Variants in VWA5A observed in about 807,000 individuals in gnomAD.
VWA5A encodes the protein von Willebrand factor A domain containing 5A.
Under a neutral mutation model 84.6 loss-of-function variants are expected in VWA5A, and 77 were observed. The observed-to-expected ratio is 0.91, with a 90% CI of 0.76 to 1.10. The LOEUF (loss-of-function observed/expected upper bound fraction) is 1.10. VWA5A is among the 50% of genes least tolerant of loss of function. VWA5A has a pLI of 0.00. For missense variants in VWA5A, 973 were observed against 963.0 expected, an observed-to-expected ratio of 1.01 and a Z score of -0.14; for synonymous variants, 334 against 350.1, an observed-to-expected ratio of 0.95 and a Z score of 0.51.
chr11:124,122,491 T>A (rs1461154396), intron 7 of VWA5A, among the ~76,000 whole-genome samples: 2 of 152,224 alleles, frequency 1.3e-5, no homozygotes, highest in Non-Finnish European at 2.9e-5. Context: ...ACTTGTAAAT[T>A]GTCAACCTAA....
chr11:124,135,088 G>T, intron 12 of VWA5A, 54 bp downstream of exon 12: 1 of 1,497,366 alleles, frequency 6.7e-7, no homozygotes, highest in Non-Finnish European at 9.2e-7. Flanking sequence ...GACCAAAGTG[G>T]AACGGGGTGG....
chr11:124,119,414 C>T (rs2137628067), intron 7 of VWA5A, among the ~76,000 whole-genome samples: 1 of 152,328 alleles, frequency 6.6e-6, no homozygotes, highest in South Asian at 2.1e-4. Context: ...GACATTTTCA[C>T]CTTTCAAATT....
At chr11:124,138,591 T>C (rs944308132) in intron 15 of VWA5A, among the ~76,000 whole-genome samples, 2 of 152,224 alleles carry the variant, frequency 1.3e-5, no homozygotes, top group Admixed American at 6.5e-5. Flanking sequence ...TGTCTTCTTT[T>C]GAGAAGTGTC....
chr11:124,123,002 C>G lies in VWA5A; in HGVS notation c.803C>G (p.Pro268Arg). ...GDPSAMVSFY[P>R]NIPEDQPSNT... Reference sequence around the variant, plus strand: ...CCATCTGCAATGGTGAGTTTCTATCCAAATATCCCAGAAGATCAACCATCA... The same window carrying G: ...CCATCTGCAATGGTGAGTTTCTATCGAAATATCCCAGAAGATCAACCATCA... Residue 268 changes from proline to arginine, a missense_variant, in exon 8 of 19, where the codon CCA (proline) becomes CGA (arginine). Physicochemically the swap from Pro to Arg is moderately radical, Grantham distance 103. Transcript: ENST00000456829. 1.9e-6 allele frequency: 3 copies of G among 1,614,018 alleles called. No homozygotes were observed. Among genetic ancestry groups the G allele is most frequent in the Non-Finnish European group, 2.5e-6 (3 of 1,180,016 alleles).
chr11:124,123,645 GTT>G lies in VWA5A; in HGVS notation c.1020-13_1020-12del. The stretch of plus-strand genomic sequence containing the variant: ...AAGTAACCCTCATGTAACTGGGTGT[GTT>G]TGTTTTTCTCAGGGAGAGTGTGAAG... On this transcript the variant is annotated splice_polypyrimidine_tract_variant and intron_variant, in intron 9 of 18. Coordinates refer to ENST00000456829, the MANE Select transcript of VWA5A (RefSeq NM_001130142.2). 1 of 1,614,122 alleles carries G rather than the reference GTT, an allele frequency of 6.2e-7. No homozygotes were observed. The highest frequency in any genetic ancestry group is 8.5e-7 in the Non-Finnish European group (1 of 1,180,018).
chr11:124,135,825 C>T (rs61907094), intron 12 of VWA5A, among the ~76,000 whole-genome samples: 3,392 of 152,020 alleles, frequency 0.022, 55 homozygotes, highest in Middle Eastern at 0.038. Context: ...CCACCGCGCC[C>T]GGCCTCTGGT....
rs1053836887 is a variant in VWA5A, at chr11:124,141,624, C to T, written c.1906C>T (p.Arg636Cys). 7.4e-6 allele frequency: 12 copies of T among 1,614,064 alleles called. No individual in the cohort carries two copies. Among genetic ancestry groups the T allele is most frequent in the African/African-American group, 5.3e-5 (4 of 74,988 alleles). ...TTTTCGAAAGGCCTTACACTCTGAC[C>T]GTCCTCCTTCTGCATCTCAGCCCAG... Reference protein sequence around the residue: ...SGFRKALHSDRPPSASQPRGE... With the variant: ...SGFRKALHSDCPPSASQPRGE... Residue 636 changes from arginine to cysteine, a missense_variant, in exon 16 of 19, where the codon CGT becomes TGT. Arg to Cys is a radical substitution (Grantham distance 180). Coordinates refer to ENST00000456829, the MANE Select transcript of VWA5A (RefSeq NM_001130142.2).
At chr11:124,142,346 T>C in intron 16 of VWA5A, 96 bp from the exon 17 acceptor site, 2 of 1,493,134 alleles carry the variant, frequency 1.3e-6, no homozygotes, top group Non-Finnish European at 1.8e-6. Flanking sequence ...ATTCTTGCTA[T>C]GGCCTGTCTC....
In VWA5A at chr11:124,118,241, T is replaced by C. The variant is rs764455285; in HGVS notation, c.299T>C (p.Leu100Ser). ...AISQGHQAFL[L>S]EGDSSSRDVF... ...TCCCAGGGCCACCAGGCCTTCTTAT[T>C]GGAGGGGGACAGCAGCTCCAGGGAT... Residue 100 changes from leucine (L) to serine (S), a missense_variant, in exon 5 of 19, where the codon TTG becomes TCG. By Grantham distance (145) the Leu-to-Ser change is moderately radical. Transcript: ENST00000456829. 9.9e-6 allele frequency: 16 copies of C among 1,614,058 alleles called. No homozygotes were observed. Among genetic ancestry groups the C allele is most frequent in the Non-Finnish European group, 1.4e-5 (16 of 1,180,044 alleles).
rs1397712275 is a variant in VWA5A at position 124,118,530 on chromosome 11, T to C, written c.470-3T>C. 6.2e-7 allele frequency: 1 copy of C among 1,613,946 alleles called. No individual in the cohort carries two copies. Among genetic ancestry groups the C allele is most frequent in the Admixed American group, 1.7e-5 (1 of 60,012 alleles). On this transcript the variant is annotated splice_region_variant and splice_polypyrimidine_tract_variant and intron_variant, in intron 5 of 18. Transcript: ENST00000456829. ...AAAACAGAACTAAGGTCATCTTTTA[T>C]AGGGTCGTCTAAGGACAGTTGCCTT...
Position 124,137,058 on chromosome 11 carries a change from A to G in VWA5A, c.1669A>G (p.Lys557Glu). The G allele has an allele frequency of 6.2e-7, 1 of 1,613,278 alleles. No homozygotes were observed. Among genetic ancestry groups the G allele is most frequent in the African/African-American group, 1.3e-5 (1 of 74,738 alleles). The change falls in exon 15 of 19, where the codon AAG becomes GAG. Residue 557 changes from lysine to glutamate, a missense_variant. Lys to Glu is a moderately conservative substitution (Grantham distance 56). Transcript: ENST00000456829. ...RLAAKSLLQT[K>E]DMGLRETPAS... is the part of the protein sequence containing the mutation. ...TGCTGCCAAGTCCTTGCTCCAGACC[A>G]AGGACATGGGCCTCAGGGAGACTCC...
At chr11:124,120,681 C>A (rs552605294) in intron 7 of VWA5A, among the ~76,000 whole-genome samples, 1 of 152,308 alleles carries the variant, frequency 6.6e-6, no homozygotes, top group East Asian at 1.9e-4. Context: ...ATCTCCTCTT[C>A]CACGAAGCTC....
chr11:124,124,306 C>G lies in VWA5A; in HGVS notation c.1234C>G (p.Gln412Glu). 6.2e-7 allele frequency: 1 copy of G among 1,613,950 alleles called. No homozygotes were observed. The highest frequency in any genetic ancestry group is 8.5e-7 in the Non-Finnish European group (1 of 1,179,922). Residue 412 changes from glutamine to glutamate, a missense_variant, in exon 11 of 19, where the codon CAG becomes GAG. Gln to Glu is a conservative substitution (Grantham distance 29). Transcript: ENST00000456829. ...AATTAAAGAAGTTAGGATCAACAGA[C>G]AGAAACACAGGTAGGAAGAAAATGT... ...SVIKEVRINR[Q>E]KHRCFSFGIG...
At chr11:124,124,119 C>T in intron 10 of VWA5A, 118 bp from the exon 11 acceptor site, 1 of 1,011,964 alleles carries the variant, frequency 9.9e-7, no homozygotes, top group Non-Finnish European at 1.5e-6. Flanking sequence ...GATTTCATGC[C>T]TCTTTGAAGA....
chr11:124,143,231 CTGA>C (rs1487649335), intron 17 of VWA5A, among the ~76,000 whole-genome samples: 1 of 152,174 alleles, frequency 6.6e-6, no homozygotes, highest in African/African-American at 2.4e-5. Flanking sequence ...TTTAAATATG[CTGA>C]TAAGGATAAA....
rs143996169 is a variant in VWA5A, at chr11:124,121,485, AT to A, written c.761-1465del. On this transcript the variant is annotated intron_variant, in intron 7 of 18. Coordinates refer to ENST00000456829, the MANE Select transcript of VWA5A (RefSeq NM_001130142.2). ...TAAAACATTATGAAATTATTTTGTGATTTTTTTTTTAGCTCATCAGCTATTG... is the reference window on the plus strand; with the variant it reads ...TAAAACATTATGAAATTATTTTGTGATTTTTTTTTAGCTCATCAGCTATTG... 3.6e-3 allele frequency among the ~76,000 whole-genome samples: 533 copies of A among 149,484 alleles called. 2 individuals carry two copies. Among genetic ancestry groups the A allele is most frequent in the African/African-American group, 0.012 (484 of 40,884 alleles).
In VWA5A at chr11:124,140,662, T is replaced by C. The variant is rs182189013; in HGVS notation, c.1880-936T>C. Among the ~76,000 whole-genome samples, 5 of 151,938 alleles carry C rather than the reference T, an allele frequency of 3.3e-5. No individual in the cohort carries two copies. In the East Asian group the frequency reaches 9.7e-4, roughly 30 times the overall value. On this transcript the variant is annotated intron_variant, in intron 15 of 18. Coordinates refer to ENST00000456829, the MANE Select transcript of VWA5A (RefSeq NM_001130142.2). ...ATTTTCATATTATTTAGAAATGAGG[T>C]CTCACTACATTGCCTAGGCTGGTCT...
intron 16 of VWA5A, among the ~76,000 whole-genome samples, chr11:124,141,970 A>C (rs1860738884): frequency 6.6e-6 from 1 of 152,168 alleles, no homozygotes; most frequent in Non-Finnish European, 1.5e-5. Context: ...AGGGACTGAC[A>C]AACTAGCCTT....
At chr11:124,141,524 C>T (rs772288943) in intron 15 of VWA5A, 74 bp from the exon 16 acceptor site, 2 of 1,572,486 alleles carry the variant, frequency 1.3e-6, no homozygotes, top group Admixed American at 1.7e-5. Flanking sequence ...GGGTATGTAT[C>T]TTGAATTGTC....
Sources: gnomAD v4.1 joint callset for allele counts (sites outside exome capture counted in the v4.1 genomes callset) on GRCh38, gnomAD v4.1.1 for gene constraint, MANE v1.5 for transcripts, NCBI Gene and HGNC (gene_info 2026-07-23, HGNC 2026-07-21) for gene names.